The following LHX2 variants were observed in gnomAD, a reference collection of about 807,000 sequenced individuals.
The protein encoded by LHX2 is LIM homeobox 2, also known as LIM/homeobox protein Lhx2.
A neutral mutation model predicts 33.0 loss-of-function variants in LHX2; 6 were observed. The observed-to-expected ratio is 0.18, with a 90% confidence interval of 0.10 to 0.36. The LOEUF is 0.36. LHX2 is among the 10% of genes least tolerant of loss of function. The probability of loss-of-function intolerance (pLI) is 1.00; values close to 1 mark genes in which losing one functional copy is unlikely to be tolerated. For missense variants in LHX2, 442 were observed against 586.2 expected (o/e 0.75, Z 2.54); for synonymous variants, 292 against 253.1 (o/e 1.15, Z -1.46).
At chr9:124,013,906 G>C in intron 1 of LHX2, 55 bp from the exon 2 acceptor site, 1 of 1,559,952 alleles carries the variant, frequency 6.4e-7, no homozygotes, top group Non-Finnish European at 8.8e-7. Context: ...CCCGGCGGCG[G>C]AGGGGCCGCT....
In LHX2 at chr9:124,012,541, A is replaced by C; in HGVS notation, c.120+73A>C. The C allele has an allele frequency of 7.2e-7, 1 of 1,391,086 alleles. No homozygotes were observed. The allele number at this position is 1,391,086 out of a possible 1,614,324, so 86.2% of individuals were successfully genotyped here. A position where few individuals can be genotyped will look rare whatever the true frequency, so the allele number is the denominator to read the frequency against. ...GGCCAGTCAGCGCCTCTGCTCCCCGAAGTTTGGGGAGCGTCCTTCGTGCCG... is the reference window on the plus strand; with the variant it reads ...GGCCAGTCAGCGCCTCTGCTCCCCGCAGTTTGGGGAGCGTCCTTCGTGCCG... On this transcript the variant is annotated intron_variant, in intron 1 of 4. Coordinates refer to ENST00000373615, the MANE Select transcript of LHX2 (RefSeq NM_004789.4). This position sits in a 1 kb window ranked among gnomAD's most constrained non-coding sequence, Gnocchi z 4.3.
intron 4 of LHX2, chr9:124,031,739 ATTCAGCC>A (rs1201494127): frequency 2.0e-5 from 3 of 151,884 alleles, no homozygotes; most frequent in Admixed American, 2.0e-4. Flanking sequence ...TTTTTTTCAT[ATTCAGCC>A]TTCAGATAGG....
rs1422326864 is a variant in LHX2, at chr9:124,012,724, A to G, written c.120+256A>G. 6.6e-6 allele frequency among the ~76,000 whole-genome samples: 1 copy of G among 152,202 alleles called. No individual in the cohort carries two copies. Among genetic ancestry groups the G allele is most frequent in the African/African-American group, 2.4e-5 (1 of 41,460 alleles). The stretch of plus-strand genomic sequence containing the variant: ...GAGCGTTTCTTCCGAACTGGAAGCG[A>G]AGTCCCATCCGCGGCCCGGGGCGGC... On this transcript the variant is annotated intron_variant, in intron 1 of 4. Transcript: ENST00000373615. This position sits in a 1 kb window ranked among gnomAD's most constrained non-coding sequence, Gnocchi z 4.3.
At chr9:124,022,388 G>T (rs759277830) in intron 4 of LHX2, among the ~76,000 whole-genome samples, 1 of 152,212 alleles carries the variant, frequency 6.6e-6, no homozygotes, top group Non-Finnish European at 1.5e-5. Context: ...CAATTATTCT[G>T]GTAGTGGACA....
chr9:124,025,001 G>A (rs546754283), intron 4 of LHX2, among the ~76,000 whole-genome samples: 4 of 152,304 alleles, frequency 2.6e-5, no homozygotes, highest in African/African-American at 7.2e-5. Flanking sequence ...TCTTGGTAGG[G>A]AAGCAGAAAC....
At chr9:124,030,633 T>TTTC (rs1828693356) in intron 4 of LHX2, among the ~76,000 whole-genome samples, 1 of 127,662 alleles carries the variant, frequency 7.8e-6, no homozygotes, top group Non-Finnish European at 1.6e-5. Flanking sequence ...TTTTCTTTTT[T>TTTC]TTTTTTTTTT....
At chr9:124,022,452 A>G (rs903399513) in intron 4 of LHX2, among the ~76,000 whole-genome samples, 1 of 152,326 alleles carries the variant, frequency 6.6e-6, no homozygotes, top group Middle Eastern at 3.4e-3. Context: ...CCTTGATAGC[A>G]AGTTTAACCA....
intron 1 of LHX2, among the ~76,000 whole-genome samples, chr9:124,013,254 G>A (rs1362203388): frequency 6.6e-6 from 1 of 152,242 alleles, no homozygotes; most frequent in Non-Finnish European, 1.5e-5. Flanking sequence ...GAGCAGCGGC[G>A]CCAGTGTCCT....
intron 4 of LHX2, chr9:124,021,724 C>T (rs1191241643): frequency 6.0e-6 from 1 of 166,496 alleles, no homozygotes; most frequent in African/African-American, 2.4e-5. Context: ...CCCAAGGTGA[C>T]TATCATTAGC....
At chr9:124,024,727 A>G (rs7049157) in intron 4 of LHX2, among the ~76,000 whole-genome samples, 59,765 of 152,018 alleles carry the variant, frequency 0.39, 12,417 homozygotes, top group Admixed American at 0.49. Context: ...TCATTCTGCA[A>G]CCCTCTTTGC....
chr9:124,032,661 A>G lies in LHX2; in HGVS notation c.1175A>G (p.His392Arg). The change falls in exon 5 of 5, where the codon CAT (histidine) becomes CGT (arginine). Residue 392 changes from histidine to arginine, a missense_variant. Physicochemically the swap from His to Arg is conservative, Grantham distance 29. Around this residue, in one of 5 missense-constraint regions of LHX2, gnomAD observed 109 missense variants for 98.7 expected, o/e 1.10. Coordinates refer to ENST00000373615, the MANE Select transcript of LHX2 (RefSeq NM_004789.4). The surrounding 1 kb of genome is among the most constrained non-coding windows in gnomAD (Gnocchi z 4.1). ...TCTGTGCCTGGCAACCTGGAGGGCC[A>G]TGAGCCTCACAGCCCCTCACAAACG... The part of the protein sequence containing the change: ...LTSVPGNLEG[H>R]EPHSPSQTTL... 2 of 1,612,008 alleles carry G rather than the reference A, an allele frequency of 1.2e-6. No homozygotes were observed. Among genetic ancestry groups the G allele is most frequent in the Non-Finnish European group, 1.7e-6 (2 of 1,178,324 alleles).
chr9:124,018,785 G>C (rs1024200413), intron 3 of LHX2, among the ~76,000 whole-genome samples: 4 of 151,770 alleles, frequency 2.6e-5, no homozygotes, highest in African/African-American at 9.7e-5. Flanking sequence ...TCCATCTTCC[G>C]TCCCTACCCC....
intron 4 of LHX2, among the ~76,000 whole-genome samples, chr9:124,028,911 C>T (rs1828669852): frequency 6.6e-6 from 1 of 152,170 alleles, no homozygotes; most frequent in Admixed American, 6.5e-5. Flanking sequence ...AGTTCAAGAC[C>T]AGCCTGGCCA....
chr9:124,013,887 T>A, intron 1 of LHX2, 74 bp from the exon 2 acceptor site: 4 of 1,412,204 alleles, frequency 2.8e-6, no homozygotes, highest in Non-Finnish European at 3.9e-6. Context: ...GAGTTGTGGG[T>A]GCCGGTTTCC....
At chr9:124,020,851 G>T (rs534304461) in intron 3 of LHX2, among the ~76,000 whole-genome samples, 1 of 152,274 alleles carries the variant, frequency 6.6e-6, no homozygotes, top group East Asian at 1.9e-4. Flanking sequence ...GGCTCAGAAT[G>T]ATTTTTGGAT....
rs1859191634 is a variant in LHX2, at chr9:124,016,403, C to T, written c.727+878C>T. 6.6e-6 allele frequency among the ~76,000 whole-genome samples: 1 copy of T among 152,338 alleles called. No individual in the cohort carries two copies. The highest frequency in any genetic ancestry group is 2.1e-4 in the South Asian group (1 of 4,830). On this transcript the variant is annotated intron_variant, in intron 3 of 4. Coordinates refer to ENST00000373615, the MANE Select transcript of LHX2 (RefSeq NM_004789.4). The surrounding 1 kb of genome is among the most constrained non-coding windows in gnomAD (Gnocchi z 4.4). Reference sequence around the variant, plus strand: ...CAACATCTGCCCGAAGTCTGCAAGGCCCGGAAAGGTTTATGACTCTCCGGG... The same window carrying T: ...CAACATCTGCCCGAAGTCTGCAAGGTCCGGAAAGGTTTATGACTCTCCGGG...
At position 124,015,636 on chromosome 9, in the gene LHX2, G is replaced by T; in HGVS notation, c.727+111G>T. On this transcript the variant is annotated intron_variant, in intron 3 of 4. Coordinates refer to ENST00000373615, the MANE Select transcript of LHX2 (RefSeq NM_004789.4). This position sits in a 1 kb window ranked among gnomAD's most constrained non-coding sequence, Gnocchi z 7.9. ...GTGCTGGGCAAATAGCGAGCCTTAA[G>T]CACCGGACGGCCTCGCAGAAGGGAC... 1 of 1,219,882 alleles carries T rather than the reference G, an allele frequency of 8.2e-7. No homozygotes were observed. The allele number at this position is 1,219,882 out of a possible 1,614,324, so 75.6% of individuals were successfully genotyped here.
chr9:124,019,129 C>T (rs1312860304), intron 3 of LHX2, among the ~76,000 whole-genome samples: 1 of 152,228 alleles, frequency 6.6e-6, no homozygotes. Context: ...ATCCTCTGAT[C>T]CCCTTTAAAT....
chr9:124,032,219 G>A lies in LHX2; in HGVS notation c.934-201G>A. 1 of 556,218 alleles carries A rather than the reference G, an allele frequency of 1.8e-6. No homozygotes were observed. The highest frequency in any genetic ancestry group is 3.1e-6 in the Non-Finnish European group (1 of 327,830). The allele number at this position is 556,218 out of a possible 1,614,324, so 34.5% of individuals were successfully genotyped here. ...ATTGTGTCACTGCACTTCAGCCTGG[G>A]GGACCAAGCCAGACCCTGTCTGCAA... On this transcript the variant is annotated intron_variant, in intron 4 of 4. Coordinates refer to ENST00000373615, the MANE Select transcript of LHX2 (RefSeq NM_004789.4). The surrounding 1 kb of genome is among the most constrained non-coding windows in gnomAD (Gnocchi z 4.1).
Sources: allele counts gnomAD v4.1 joint callset (sites outside exome capture counted in the v4.1 genomes callset), GRCh38; gene constraint gnomAD v4.1.1; regional missense constraint gnomAD v4.1.1; non-coding constraint Gnocchi (gnomAD v3.1); transcripts MANE v1.5; gene names NCBI Gene and HGNC (gene_info 2026-07-23, HGNC 2026-07-21).